Variants in LINGO2 observed in about 807,000 individuals in gnomAD.
The protein encoded by LINGO2 is leucine rich repeat and Ig domain containing 2.
Under a neutral mutation model 30.6 loss-of-function variants are expected in LINGO2, and 14 were observed. The observed-to-expected ratio is 0.46, with a 90% CI of 0.30 to 0.72. The LOEUF is 0.72. LINGO2 is among the 30% of genes least tolerant of loss of function. LINGO2 has a pLI of 0.07. For synonymous variants in LINGO2, 317 were observed against 288.5 expected, an observed-to-expected ratio of 1.10 and a Z score of -1.00; for missense variants, 729 against 751.7, an observed-to-expected ratio of 0.97 and a Z score of 0.35.
chr9:28,534,043 A>G (rs1316840523), intron 1 of LINGO2, among the ~76,000 whole-genome samples: 2 of 152,210 alleles, frequency 1.3e-5, no homozygotes, highest in Admixed American at 6.5e-5. Flanking sequence ...ACCAATTGTT[A>G]TAAGTGAAAA....
At chr9:28,150,002 T>A (rs1827949929) in intron 4 of LINGO2, among the ~76,000 whole-genome samples, 1 of 151,502 alleles carries the variant, frequency 6.6e-6, no homozygotes, top group South Asian at 2.1e-4. Flanking sequence ...CTGTCCTGTC[T>A]GCGAAGTGAG....
intron 3 of LINGO2, among the ~76,000 whole-genome samples, chr9:28,304,053 C>T (rs540177606): frequency 1.3e-5 from 2 of 151,958 alleles, no homozygotes; most frequent in African/African-American, 4.8e-5. Context: ...CTGGGTTTCC[C>T]TGCAATATGA....
At chr9:28,731,705 G>A in the LINGO2 span, among the ~76,000 whole-genome samples, 6 of 152,096 alleles carry the variant, frequency 3.9e-5, no homozygotes, top group Admixed American at 3.3e-4. Context: ...ATAAAATTGT[G>A]TAGAATTAAA....
At chr9:28,794,158 G>A in the LINGO2 span, among the ~76,000 whole-genome samples, 1 of 152,104 alleles carries the variant, frequency 6.6e-6, no homozygotes, top group African/African-American at 2.4e-5. Context: ...ACGAAAATTA[G>A]CCGGGCGTGG....
the LINGO2 span, among the ~76,000 whole-genome samples, chr9:28,795,105 A>C: frequency 6.6e-6 from 1 of 152,046 alleles, no homozygotes. Flanking sequence ...TAGTGCTGGG[A>C]TTACAGGTGT....
chr9:29,095,531 G>C, the LINGO2 span, among the ~76,000 whole-genome samples: 8 of 138,404 alleles, frequency 5.8e-5, 2 homozygotes, highest in African/African-American at 8.2e-5. Context: ...GGGTATCAAT[G>C]CATGTGCTCA....
At chr9:28,205,379 C>T (rs1229535695) in intron 4 of LINGO2, among the ~76,000 whole-genome samples, 4 of 152,140 alleles carry the variant, frequency 2.6e-5, no homozygotes, top group South Asian at 2.1e-4. Flanking sequence ...TTAACTCAAA[C>T]GTCACATTCC....
chr9:28,663,460 C>A (rs946764035), intron 1 of LINGO2, among the ~76,000 whole-genome samples: 1 of 152,080 alleles, frequency 6.6e-6, no homozygotes, highest in Non-Finnish European at 1.5e-5. Flanking sequence ...CGTGAGCCAC[C>A]GCATCCGGCC....
At chr9:28,469,242 C>A (rs1825427789) in intron 2 of LINGO2, among the ~76,000 whole-genome samples, 1 of 149,606 alleles carries the variant, frequency 6.7e-6, no homozygotes, top group Admixed American at 6.7e-5. Context: ...GGAAAGTCAC[C>A]TAAAACTATT....
At chr9:29,022,755 T>C in the LINGO2 span, among the ~76,000 whole-genome samples, 10 of 152,298 alleles carry the variant, frequency 6.6e-5, no homozygotes, top group African/African-American at 2.4e-4. Flanking sequence ...TAAGCAAAGT[T>C]AATCACTCTC....
chr9:28,827,745 T>G, the LINGO2 span, among the ~76,000 whole-genome samples: 1 of 152,218 alleles, frequency 6.6e-6, no homozygotes, highest in Non-Finnish European at 1.5e-5. Flanking sequence ...AATTAAAAAG[T>G]TCTGCAGCAA....
chr9:28,318,269 A>G (rs10968503), intron 3 of LINGO2, among the ~76,000 whole-genome samples: 14,890 of 152,254 alleles, frequency 0.098, 936 homozygotes, highest in Middle Eastern at 0.25. Context: ...ACAACTCCTC[A>G]TTGTAAATTA....
chr9:28,576,496 C>T (rs924488162), intron 1 of LINGO2, among the ~76,000 whole-genome samples: 4 of 152,250 alleles, frequency 2.6e-5, no homozygotes, highest in African/African-American at 7.2e-5. Flanking sequence ...ACAAAACAAA[C>T]TAATGAAAGC....
At chr9:28,895,924 A>G in the LINGO2 span, among the ~76,000 whole-genome samples, 2 of 152,192 alleles carry the variant, frequency 1.3e-5, no homozygotes, top group Non-Finnish European at 2.9e-5. Context: ...AAGTATACAT[A>G]TCCCCATTTT....
chr9:27,943,282 G>A (rs1823237194), downstream of LINGO2: 1 of 152,038 alleles, frequency 6.6e-6, no homozygotes, highest in African/African-American at 2.4e-5. Flanking sequence ...CTTCAGTATG[G>A]ACAGTTATCT....
At chr9:29,107,080 T>C in the LINGO2 span, among the ~76,000 whole-genome samples, 2 of 152,196 alleles carry the variant, frequency 1.3e-5, no homozygotes, top group African/African-American at 2.4e-5. Flanking sequence ...CATGTAATAC[T>C]ATCTTAATCA....
the LINGO2 span, among the ~76,000 whole-genome samples, chr9:28,799,184 G>C: frequency 1.3e-5 from 2 of 152,234 alleles, no homozygotes; most frequent in East Asian, 3.9e-4. Context: ...TGAAGGAGTA[G>C]TGTTAGAAAG....
intron 5 of LINGO2, among the ~76,000 whole-genome samples, chr9:27,977,602 A>G (rs959248479): frequency 6.6e-6 from 1 of 151,978 alleles, no homozygotes; most frequent in Non-Finnish European, 1.5e-5. Flanking sequence ...TTAGAAATAA[A>G]AAAGGAGTGT....
At chr9:28,286,208 T>A (rs1823502754) in intron 4 of LINGO2, among the ~76,000 whole-genome samples, 3 of 152,156 alleles carry the variant, frequency 2.0e-5, no homozygotes, top group African/African-American at 4.8e-5. Context: ...ATGAACTAAT[T>A]ACCAACTGGT....
Sources: allele counts gnomAD v4.1 joint callset (sites outside exome capture counted in the v4.1 genomes callset), GRCh38; gene constraint gnomAD v4.1.1; transcripts MANE v1.5; gene names NCBI Gene and HGNC (gene_info 2026-07-23, HGNC 2026-07-21).